STXBP6: variants seen among roughly 807,000 people sequenced by gnomAD.
STXBP6 encodes syntaxin-binding protein 6.
A neutral mutation model predicts 26.9 loss-of-function variants in STXBP6; 21 were observed. The ratio of observed to expected loss-of-function variants is 0.78; its 90% CI spans 0.55 to 1.12. The LOEUF is 1.12. Ranked by LOEUF, STXBP6 falls within the 50% of genes most tolerant of loss-of-function variation. The probability of loss-of-function intolerance (pLI) is 0.00; values close to 1 mark genes in which losing one functional copy is unlikely to be tolerated. For synonymous variants in STXBP6, 97 were observed against 92.6 expected (o/e 1.05, Z -0.27); for missense variants, 232 against 257.9 (o/e 0.90, Z 0.69).
chr14:25,029,688 T>C (rs1256283751), intron 1 of STXBP6, among the ~76,000 whole-genome samples: 2 of 152,104 alleles, frequency 1.3e-5, no homozygotes, highest in Non-Finnish European at 2.9e-5. Context: ...TAGAACCAAG[T>C]GCTGGCGGGA....
intron 2 of STXBP6, among the ~76,000 whole-genome samples, chr14:24,931,158 T>TTC (rs1257079382): frequency 1.7e-5 from 2 of 119,990 alleles, no homozygotes; most frequent in Non-Finnish European, 3.4e-5. Context: ...ACACCACATG[T>TTC]TCTCACTCAT....
Position 24,943,376 on chromosome 14 carries a change from A to AC in STXBP6, c.154+31288dup, listed in dbSNP as rs567669217. 3.0e-3 allele frequency among the ~76,000 whole-genome samples: 457 copies of AC among 152,270 alleles called. 4 individuals are homozygous for AC. Among genetic ancestry groups the AC allele is most frequent in the African/African-American group, 0.011 (440 of 41,562 alleles). On this transcript the variant is annotated intron_variant, in intron 2 of 5. Transcript: ENST00000323944. ...GTAAGGCAGAAGAACAGAGGTACCCACCTGGACTCCTGTGAGAAAAAAATA... is the reference window on the plus strand; with the variant it reads ...GTAAGGCAGAAGAACAGAGGTACCCACCCTGGACTCCTGTGAGAAAAAAATA...
At chr14:25,002,574 T>C (rs1414449614) in intron 1 of STXBP6, among the ~76,000 whole-genome samples, 1 of 151,950 alleles carries the variant, frequency 6.6e-6, no homozygotes, top group African/African-American at 2.4e-5. Flanking sequence ...TTAACCAGGA[T>C]GGTCTCGATC....
intron 2 of STXBP6, among the ~76,000 whole-genome samples, chr14:24,881,371 C>T (rs2070350280): frequency 6.6e-6 from 1 of 152,150 alleles, no homozygotes; most frequent in Admixed American, 6.5e-5. Flanking sequence ...AAATCCCTGT[C>T]TAGGGAATAG....
intron 2 of STXBP6, among the ~76,000 whole-genome samples, chr14:24,941,601 A>G (rs2072805328): frequency 6.6e-6 from 1 of 152,234 alleles, no homozygotes; most frequent in South Asian, 2.1e-4. Context: ...AAACCAGATC[A>G]CTAAAGGCTT....
intron 2 of STXBP6, among the ~76,000 whole-genome samples, chr14:24,974,104 G>GA (rs534509876): frequency 0.032 from 4,337 of 136,680 alleles, 63 homozygotes; most frequent in South Asian, 0.049. Flanking sequence ...GAAAGAGAAA[G>GA]AAAAAAAAAA....
At chr14:25,025,656 G>C (rs924502700) in intron 1 of STXBP6, among the ~76,000 whole-genome samples, 1 of 152,054 alleles carries the variant, frequency 6.6e-6, no homozygotes, top group East Asian at 1.9e-4. Flanking sequence ...ATCCCTCAGG[G>C]CTACTGCAAA....
At chr14:25,027,303 T>G (rs181804302) in intron 1 of STXBP6, among the ~76,000 whole-genome samples, 2 of 150,930 alleles carry the variant, frequency 1.3e-5, no homozygotes, top group African/African-American at 5.0e-5. Flanking sequence ...GGTCACATTT[T>G]GATAATTTTG....
rs2068085987 is a variant in STXBP6 at position 24,819,761 on chromosome 14, T to C, written c.452-567A>G. ...AAAATGTACAGCTTCATGTAAGAGCTATGATCCAGTCTCAAAGCTCAGAGT... is the reference window on the plus strand; with the variant it reads ...AAAATGTACAGCTTCATGTAAGAGCCATGATCCAGTCTCAAAGCTCAGAGT... On this transcript the variant is annotated intron_variant, in intron 4 of 5. Coordinates refer to ENST00000323944, the MANE Select transcript of STXBP6 (RefSeq NM_001394410.1). Among the ~76,000 whole-genome samples, 3 of 152,198 alleles carry C rather than the reference T, an allele frequency of 2.0e-5. 1 individual carries two copies. In the South Asian group the frequency reaches 6.2e-4, roughly 32 times the overall value.
intron 1 of STXBP6, among the ~76,000 whole-genome samples, chr14:25,029,707 C>T (rs2075416088): frequency 6.6e-6 from 1 of 152,094 alleles, no homozygotes; most frequent in Non-Finnish European, 1.5e-5. Flanking sequence ...GAGTATAAAG[C>T]TCTCCCTGAG....
intron 1 of STXBP6, among the ~76,000 whole-genome samples, chr14:25,017,588 G>GACCT (rs2075176347): frequency 6.6e-6 from 1 of 152,212 alleles, no homozygotes; most frequent in Non-Finnish European, 1.5e-5. Flanking sequence ...AAAGATCAGA[G>GACCT]ACTCCAGGGG....
chr14:24,852,103 A>G lies in STXBP6; in HGVS notation c.451+3833T>C, dbSNP rs147255116. Among the ~76,000 whole-genome samples, 466 of 152,184 alleles carry G rather than the reference A, an allele frequency of 3.1e-3. 5 individuals carry two copies. The highest frequency in any genetic ancestry group is 0.011 in the African/African-American group (445 of 41,542). ...GAGACCAGACCTCTACCTTCCAATC[A>G]CAAATCTTTGTTAGAGATTAACTGC... On this transcript the variant is annotated intron_variant, in intron 4 of 5. Coordinates refer to ENST00000323944, the MANE Select transcript of STXBP6 (RefSeq NM_001394410.1).
chr14:25,043,861 TGTTTCCACTTTA>T (rs1356752669), intron 1 of STXBP6, among the ~76,000 whole-genome samples: 1 of 152,196 alleles, frequency 6.6e-6, no homozygotes, highest in African/African-American at 2.4e-5. Context: ...ATATTTGGGT[TGTTTCCACTTTA>T]GGGCTATTAA....
At chr14:24,949,331 A>G (rs758800918) in intron 2 of STXBP6, among the ~76,000 whole-genome samples, 20 of 152,214 alleles carry the variant, frequency 1.3e-4, no homozygotes, top group Non-Finnish European at 2.8e-4. Context: ...TTAAATCTTC[A>G]TAATTTCAGA....
At chr14:24,899,780 CAAAAAAAAAA>C (rs58367371) in intron 2 of STXBP6, among the ~76,000 whole-genome samples, 1 of 46,876 alleles carries the variant, frequency 2.1e-5, no homozygotes, top group African/African-American at 7.5e-5. Context: ...GACTACATTT[CAAAAAAAAAA>C]AAAAAAAAAG....
chr14:25,030,392 C>A (rs139388210), intron 1 of STXBP6, among the ~76,000 whole-genome samples: 4 of 152,312 alleles, frequency 2.6e-5, no homozygotes, highest in South Asian at 2.1e-4. Context: ...TTCCCAGCAC[C>A]CTTTATTCTA....
At chr14:24,914,393 A>C (rs1387519655) in intron 2 of STXBP6, among the ~76,000 whole-genome samples, 1 of 152,064 alleles carries the variant, frequency 6.6e-6, no homozygotes, top group Middle Eastern at 3.2e-3. Flanking sequence ...TTTTTATTTT[A>C]CTTTTTTTAA....
At chr14:24,968,109 C>T (rs2073791010) in intron 2 of STXBP6, among the ~76,000 whole-genome samples, 2 of 150,422 alleles carry the variant, frequency 1.3e-5, no homozygotes. Flanking sequence ...ATACTTTTAA[C>T]TTTTATATAA....
Position 24,953,265 on chromosome 14 carries a change from C to T in STXBP6, c.154+21400G>A, listed in dbSNP as rs150129878. 5.3e-5 allele frequency among the ~76,000 whole-genome samples: 8 copies of T among 152,258 alleles called. No individual in the cohort carries two copies. In the East Asian group the frequency reaches 7.7e-4, roughly 15 times the overall value. ...ATGGCATGTAGGCGCAGCAGGATGA[C>T]GATCCAGGGTAACCTCAGCTGAAAA... On this transcript the variant is annotated intron_variant, in intron 2 of 5. Transcript: ENST00000323944.
Sources: gnomAD v4.1 joint callset for allele counts (sites outside exome capture counted in the v4.1 genomes callset) on GRCh38, gnomAD v4.1.1 for gene constraint, MANE v1.5 for transcripts, NCBI Gene and HGNC (gene_info 2026-07-23, HGNC 2026-07-21) for gene names.